TSHZ2: variants seen among roughly 807,000 people sequenced by gnomAD.
TSHZ2 encodes the protein teashirt zinc finger homeobox 2.
In TSHZ2, 21 loss-of-function variants were observed where a neutral mutation model predicts 74.4. That is an observed-to-expected ratio of 0.28 (90% CI 0.20 to 0.41). The LOEUF is 0.41. Ranked by LOEUF, TSHZ2 falls within the 10% of genes least tolerant of loss-of-function variation. The probability of loss-of-function intolerance (pLI) is 1.00; values close to 1 mark genes in which losing one functional copy is unlikely to be tolerated. For synonymous variants in TSHZ2, 540 were observed against 515.3 expected, an observed-to-expected ratio of 1.05 and a Z score of -0.65; for missense variants, 1,244 against 1,293.5, an observed-to-expected ratio of 0.96 and a Z score of 0.59.
At chr20:53,066,704 C>T (rs1391145694) in intron 1 of TSHZ2, among the ~76,000 whole-genome samples, 3 of 152,188 alleles carry the variant, frequency 2.0e-5, no homozygotes, top group African/African-American at 7.2e-5. Context: ...GACGGGGTTT[C>T]ACCATGTTGG....
rs569196245 is a variant in TSHZ2 at position 53,480,410 on chromosome 20, T to A, written c.*9-6734T>A. 7.9e-5 allele frequency among the ~76,000 whole-genome samples: 12 copies of A among 151,404 alleles called. No homozygotes were observed. The South Asian group carries it at 2.3e-3, about 29-fold the overall frequency. The stretch of plus-strand genomic sequence containing the variant: ...TAGAGACTCCATCTCTACAAAAAAA[T>A]TTAAAAATTAGCCTACTGTGGTGGC... On this transcript the variant is annotated intron_variant, in intron 2 of 2. Transcript: ENST00000371497.
At chr20:53,126,041 A>G (rs1986939649) in intron 1 of TSHZ2, among the ~76,000 whole-genome samples, 2 of 152,240 alleles carry the variant, frequency 1.3e-5, no homozygotes. Context: ...TTAAATGCAC[A>G]TTTATGAAAT....
At chr20:53,005,254 C>T (rs536515629) in intron 1 of TSHZ2, among the ~76,000 whole-genome samples, 4 of 151,892 alleles carry the variant, frequency 2.6e-5, no homozygotes, top group South Asian at 2.1e-4. Context: ...CAGAGATTGC[C>T]GTGAGCCAAG....
Position 53,490,170 on chromosome 20 carries a change from TTA to T in TSHZ2, c.*3039_*3040del, listed in dbSNP as rs1224403019. ...CAAATTGAGATGTCCATTTAAAAAT[TTA>T]TATGTCAATATTTAAATGTTACATA... On this transcript the variant is annotated 3_prime_UTR_variant, in exon 3 of 3. Transcript: ENST00000371497. 1 of 152,228 alleles carries T rather than the reference TTA, an allele frequency of 6.6e-6. No homozygotes were observed. Among genetic ancestry groups the T allele is most frequent in the African/African-American group, 2.4e-5 (1 of 41,452 alleles). 9.4% of individuals were successfully genotyped at this position (152,228 alleles called of 1,614,324 possible).
chr20:53,071,857 G>C (rs1985185459), intron 1 of TSHZ2, among the ~76,000 whole-genome samples: 1 of 152,160 alleles, frequency 6.6e-6, no homozygotes, highest in South Asian at 2.1e-4. Context: ...TTTTATTGGA[G>C]ACACTGAGGG....
chr20:53,233,772 T>C (rs905413927), intron 1 of TSHZ2, among the ~76,000 whole-genome samples: 1 of 152,172 alleles, frequency 6.6e-6, no homozygotes, highest in Non-Finnish European at 1.5e-5. Flanking sequence ...ATTCAGACAT[T>C]ATTAAATAGT....
At chr20:53,444,553 A>G (rs971493063) in intron 2 of TSHZ2, among the ~76,000 whole-genome samples, 1 of 152,158 alleles carries the variant, frequency 6.6e-6, no homozygotes, top group Admixed American at 6.6e-5. Context: ...ATTTGGCAGG[A>G]GTTAATCACG....
chr20:53,445,652 CA>C (rs1320076056), intron 2 of TSHZ2, among the ~76,000 whole-genome samples: 3 of 152,194 alleles, frequency 2.0e-5, no homozygotes, highest in African/African-American at 7.2e-5. Context: ...AATGCCACAG[CA>C]CTGGTCCATA....
At chr20:53,231,351 A>G (rs1008743096) in intron 1 of TSHZ2, among the ~76,000 whole-genome samples, 1 of 152,238 alleles carries the variant, frequency 6.6e-6, no homozygotes. Flanking sequence ...ATCTACTGTA[A>G]AGTGACTTGA....
intron 2 of TSHZ2, among the ~76,000 whole-genome samples, chr20:53,393,692 A>AC (rs11473645): frequency 1.3e-5 from 2 of 151,752 alleles, no homozygotes; most frequent in Non-Finnish European, 1.5e-5. Context: ...ACACACACAC[A>AC]AATTGTAAAA....
intron 2 of TSHZ2, among the ~76,000 whole-genome samples, chr20:53,313,813 A>T (rs1978885246): frequency 6.6e-6 from 1 of 152,170 alleles, no homozygotes; most frequent in African/African-American, 2.4e-5. Context: ...CATTTGCATA[A>T]TTTTATGTGA....
chr20:53,008,682 G>A lies in TSHZ2; in HGVS notation c.40+35349G>A, dbSNP rs184040275. Among the ~76,000 whole-genome samples the A allele has an allele frequency of 5.7e-4, 86 of 152,012 alleles. 2 individuals are homozygous for A. In the East Asian group the frequency reaches 0.015, roughly 27 times the overall value. On this transcript the variant is annotated intron_variant, in intron 1 of 2. Transcript: ENST00000371497. ...GGGCTGATATAATAAGGAGTTTGAG[G>A]AATTTTAGAGGAAAAGTAGTCGATA... is the stretch of plus-strand genomic sequence containing the variant.
chr20:53,315,375 T>C (rs1459670246), intron 2 of TSHZ2, among the ~76,000 whole-genome samples: 1 of 152,244 alleles, frequency 6.6e-6, no homozygotes, highest in Non-Finnish European at 1.5e-5. Flanking sequence ...GTATTTTCTC[T>C]TGTAAACATA....
At chr20:53,446,290 G>A (rs534162179) in intron 2 of TSHZ2, among the ~76,000 whole-genome samples, 1 of 151,890 alleles carries the variant, frequency 6.6e-6, no homozygotes, top group Non-Finnish European at 1.5e-5. Flanking sequence ...TTGGCCAGGC[G>A]CGGTGACTTA....
intron 1 of TSHZ2, among the ~76,000 whole-genome samples, chr20:53,020,304 C>A (rs1418107357): frequency 6.6e-6 from 1 of 152,138 alleles, no homozygotes; most frequent in Non-Finnish European, 1.5e-5. Flanking sequence ...TCTCATTCTT[C>A]CTTTCTCTAA....
intron 2 of TSHZ2, among the ~76,000 whole-genome samples, chr20:53,296,277 C>T (rs1273969635): frequency 6.6e-6 from 1 of 152,198 alleles, no homozygotes; most frequent in African/African-American, 2.4e-5. Context: ...GAGCTGCCCA[C>T]TTCCTGACTT....
At chr20:53,350,676 G>C (rs563024308) in intron 2 of TSHZ2, among the ~76,000 whole-genome samples, 1 of 152,352 alleles carries the variant, frequency 6.6e-6, no homozygotes, top group South Asian at 2.1e-4. Context: ...AGCACCAAAA[G>C]AAGTCCCCAG....
chr20:53,232,841 T>C (rs1989859287), intron 1 of TSHZ2, among the ~76,000 whole-genome samples: 2 of 152,244 alleles, frequency 1.3e-5, no homozygotes, highest in South Asian at 4.1e-4. Flanking sequence ...CAACAATTAC[T>C]GTATTTTATC....
chr20:52,974,486 C>A (rs189431759), intron 1 of TSHZ2, among the ~76,000 whole-genome samples: 3 of 151,706 alleles, frequency 2.0e-5, no homozygotes, highest in African/African-American at 7.3e-5. Flanking sequence ...TCAGGGCTTT[C>A]GCAAAAAGCT....
Sources: allele counts gnomAD v4.1 joint callset (sites outside exome capture counted in the v4.1 genomes callset), GRCh38; gene constraint gnomAD v4.1.1; transcripts MANE v1.5; gene names NCBI Gene and HGNC (gene_info 2026-07-23, HGNC 2026-07-21).